Variants in MPHOSPH9 observed in about 807,000 individuals in gnomAD.
MPHOSPH9 encodes the protein M-phase phosphoprotein 9.
A neutral mutation model predicts 145.5 loss-of-function variants in MPHOSPH9; 88 were observed. The observed-to-expected ratio is 0.60, with a 90% confidence interval of 0.51 to 0.72. MPHOSPH9 has a LOEUF of 0.72. MPHOSPH9 is among the 30% of genes least tolerant of loss of function. The probability of loss-of-function intolerance (pLI) is 0.00; values close to 1 mark genes in which losing one functional copy is unlikely to be tolerated. For missense variants in MPHOSPH9, 1,238 were observed against 1,386.6 expected (o/e 0.89, Z 1.70); for synonymous variants, 435 against 486.2 (o/e 0.89, Z 1.39).
At chr12:123,172,909 C>T (rs1377694240) in intron 16 of MPHOSPH9, among the ~76,000 whole-genome samples, 1 of 97,482 alleles carries the variant, frequency 1.0e-5, no homozygotes, top group African/African-American at 3.8e-5. Flanking sequence ...TGAGACAGAG[C>T]GGTGCTCTGT....
At chr12:123,233,498 A>G (rs903711713), upstream of MPHOSPH9, 3 of 152,248 alleles carry the variant, frequency 2.0e-5, no homozygotes, top group African/African-American at 7.2e-5. Flanking sequence ...ATATCCCTAG[A>G]ACGTTGAGGG....
intron 14 of MPHOSPH9, among the ~76,000 whole-genome samples, chr12:123,180,886 A>G (rs2045102297): frequency 6.6e-6 from 1 of 152,206 alleles, no homozygotes; most frequent in African/African-American, 2.4e-5. Flanking sequence ...AATAATTTGC[A>G]TCTGTATGGT....
intron 13 of MPHOSPH9, among the ~76,000 whole-genome samples, chr12:123,191,459 G>GT (rs899490032): frequency 1.3e-5 from 2 of 152,108 alleles, no homozygotes; most frequent in African/African-American, 4.8e-5. Context: ...CCTAGCTAAT[G>GT]TTTTTTATTT....
chr12:123,186,848 C>A lies in MPHOSPH9; in HGVS notation c.2242-5638G>T, dbSNP rs1376752340. On this transcript the variant is annotated intron_variant, in intron 13 of 23. Coordinates refer to ENST00000606320, the MANE Select transcript of MPHOSPH9 (RefSeq NM_022782.4). ...TGGTGGCACGCGCCTGTAACCCCAG[C>A]TACTCAGGAGGCTGAGGCAAGAGAA... 3.9e-5 allele frequency among the ~76,000 whole-genome samples: 6 copies of A among 152,190 alleles called. No individual in the cohort carries two copies. The East Asian group carries it at 1.2e-3, about 29-fold the overall frequency.
At chr12:123,205,501 G>A (rs1367550077) in intron 8 of MPHOSPH9, among the ~76,000 whole-genome samples, 3 of 151,822 alleles carry the variant, frequency 2.0e-5, no homozygotes, top group East Asian at 3.9e-4. Flanking sequence ...AGCTGAGATC[G>A]CACCACTGCA....
intron 22 of MPHOSPH9, 50 bp from the exon 23 acceptor site, chr12:123,160,899 T>C (rs1337703905): frequency 6.4e-7 from 1 of 1,571,504 alleles, no homozygotes; most frequent in Admixed American, 1.7e-5. Flanking sequence ...GGGAGGTTTA[T>C]CACACAGAAT....
At chr12:123,212,829 A>T (rs1201160389) in intron 7 of MPHOSPH9, among the ~76,000 whole-genome samples, 24 of 144,892 alleles carry the variant, frequency 1.7e-4, no homozygotes, top group Non-Finnish European at 1.5e-5. Context: ...AGTAGAAACC[A>T]TACTTTGAGT....
chr12:123,236,089 A>G (rs920163551), upstream of MPHOSPH9, among the ~76,000 whole-genome samples: 1 of 152,008 alleles, frequency 6.6e-6, no homozygotes, highest in African/African-American at 2.4e-5. Context: ...AAAAACTTAA[A>G]ACAGAAAAAG....
chr12:123,205,116 C>G (rs1480183060), intron 8 of MPHOSPH9, among the ~76,000 whole-genome samples: 1 of 152,170 alleles, frequency 6.6e-6, no homozygotes, highest in Non-Finnish European at 1.5e-5. Flanking sequence ...ACACTGAAAA[C>G]ACTGAAAGAA....
At chr12:123,181,504 G>A (rs748300626) in intron 13 of MPHOSPH9, among the ~76,000 whole-genome samples, 5 of 151,832 alleles carry the variant, frequency 3.3e-5, no homozygotes, top group Admixed American at 2.0e-4. Flanking sequence ...GCTAGGAGCT[G>A]GAGACCAACC....
chr12:123,218,387 G>A lies in MPHOSPH9; in HGVS notation c.985C>T (p.Pro329Ser), dbSNP rs187857615. Reference protein sequence around the residue: ...KQGNEQSKKTPIEKSDFAAAT... With the variant: ...KQGNEQSKKTSIEKSDFAAAT... ...GACTAGTCACCTACTTTCTCAATTG[G>A]TGTCTTCTTACTTTGCTCATTTCCT... The change falls in exon 6 of 24, where the codon CCA becomes TCA. Residue 329 changes from proline to serine, a missense_variant. This residue lies in a region of MPHOSPH9 where 837 missense variants were observed against 897.5 expected (regional missense o/e 0.93). Coordinates refer to ENST00000606320, the MANE Select transcript of MPHOSPH9 (RefSeq NM_022782.4). The A allele has an allele frequency of 1.2e-6, 2 of 1,614,002 alleles. No homozygotes were observed. The highest frequency in any genetic ancestry group is 1.7e-6 in the Non-Finnish European group (2 of 1,179,920).
rs1181964075 is a variant in MPHOSPH9, at chr12:123,154,734, AG to A, written c.*2072del. 6.6e-6 allele frequency: 1 copy of A among 152,236 alleles called. No homozygotes were observed. Among genetic ancestry groups the A allele is most frequent in the Non-Finnish European group, 1.5e-5 (1 of 68,034 alleles). The allele number at this position is 152,236 out of a possible 1,614,324, so 9.4% of individuals were successfully genotyped here. The stretch of plus-strand genomic sequence containing the variant: ...CAAGTTAGTTTTTAATGTCATATCC[AG>A]GAACACATTAAAGGTGGTCTTACTA... On this transcript the variant is annotated 3_prime_UTR_variant, in exon 24 of 24. Coordinates refer to ENST00000606320, the MANE Select transcript of MPHOSPH9 (RefSeq NM_022782.4).
chr12:123,222,989 C>T (rs972770538), intron 4 of MPHOSPH9, 49 bp downstream of exon 4: 31 of 954,472 alleles, frequency 3.2e-5, no homozygotes, highest in Admixed American at 2.1e-4. Flanking sequence ...TGTATATGTA[C>T]GTATGTATAT....
At chr12:123,201,280 T>C (rs767653612) in intron 11 of MPHOSPH9, among the ~76,000 whole-genome samples, 1 of 152,188 alleles carries the variant, frequency 6.6e-6, no homozygotes, top group African/African-American at 2.4e-5. Context: ...AGACGGAAGA[T>C]TTTAGTTCCC....
At chr12:123,187,948 A>G (rs1281603351) in intron 13 of MPHOSPH9, among the ~76,000 whole-genome samples, 1 of 152,166 alleles carries the variant, frequency 6.6e-6, no homozygotes, top group Non-Finnish European at 1.5e-5. Flanking sequence ...CAACATGGTG[A>G]AACTGTCTCT....
intron 11 of MPHOSPH9, among the ~76,000 whole-genome samples, chr12:123,201,213 A>G (rs1195725974): frequency 1.4e-5 from 2 of 145,310 alleles, no homozygotes; most frequent in Non-Finnish European, 3.0e-5. Flanking sequence ...TAGTTTTCCC[A>G]TAACTTTGAA....
At chr12:123,200,839 A>G (rs2046190991) in intron 11 of MPHOSPH9, among the ~76,000 whole-genome samples, 2 of 151,898 alleles carry the variant, frequency 1.3e-5, no homozygotes, top group Admixed American at 6.6e-5. Context: ...TTGTATATTT[A>G]GTAGAGACAG....
rs1342780440 is a variant in MPHOSPH9, at chr12:123,156,577, A to G, written c.*230T>C. The G allele has an allele frequency of 2.3e-5, 8 of 340,632 alleles. No homozygotes were observed. In the South Asian group the frequency reaches 2.9e-4, roughly 12 times the overall value. 21.1% of individuals were successfully genotyped at this position (340,632 alleles called of 1,614,324 possible). ...TATAAATTGGAGACAGATACTATTT[A>G]AAAATAATGCTTTTTAAATAGTAAA... is the stretch of plus-strand genomic sequence containing the variant. On this transcript the variant is annotated 3_prime_UTR_variant, in exon 24 of 24. Coordinates refer to ENST00000606320, the MANE Select transcript of MPHOSPH9 (RefSeq NM_022782.4).
At chr12:123,218,330 T>C (rs771597901) in intron 6 of MPHOSPH9, 46 bp downstream of exon 6, 2 of 1,609,034 alleles carry the variant, frequency 1.2e-6, no homozygotes, top group African/African-American at 1.3e-5. Flanking sequence ...TAAACCCACA[T>C]AATCATCAGT....
Sources: allele counts gnomAD v4.1 joint callset (sites outside exome capture counted in the v4.1 genomes callset), GRCh38; gene constraint gnomAD v4.1.1; regional missense constraint gnomAD v4.1.1; transcripts MANE v1.5; gene names NCBI Gene and HGNC (gene_info 2026-07-23, HGNC 2026-07-21).